The following IGSF10 variants were observed in gnomAD, a reference collection of about 807,000 sequenced individuals.
IGSF10 encodes the protein calvaria mechanical force protein 608.
IGSF10 carries 126 observed loss-of-function variants against 128.2 expected under a neutral mutation model. That is an observed-to-expected ratio of 0.98 (90% CI 0.85 to 1.14). The LOEUF is 1.14. IGSF10 is among the 50% of genes most tolerant of loss of function. IGSF10 has a pLI of 0.00. For missense variants in IGSF10, 3,295 were observed against 3,149.8 expected (o/e 1.05, Z -1.10); for synonymous variants, 1,185 against 1,146.2 (o/e 1.03, Z -0.68).
the IGSF10 span, among the ~76,000 whole-genome samples, chr3:151,528,752 G>T: frequency 6.6e-6 from 1 of 151,394 alleles, no homozygotes; most frequent in Non-Finnish European, 1.5e-5. Flanking sequence ...ATGGGTTTAA[G>T]CAAAAAACTA....
chr3:151,489,003 G>T, the IGSF10 span, among the ~76,000 whole-genome samples: 1,996 of 152,076 alleles, frequency 0.013, 47 homozygotes, highest in African/African-American at 0.046. Flanking sequence ...GAACTTCTGC[G>T]CAGCAAAAGA....
upstream of IGSF10, among the ~76,000 whole-genome samples, chr3:151,465,833 G>A (rs1181215007): frequency 1.3e-5 from 2 of 152,034 alleles, no homozygotes; most frequent in Non-Finnish European, 1.5e-5. Flanking sequence ...TAATTTAATC[G>A]GTAGACAAGA....
At chr3:151,463,465 C>G (rs535367492), upstream of IGSF10, among the ~76,000 whole-genome samples, 3 of 130,534 alleles carry the variant, frequency 2.3e-5, no homozygotes, top group African/African-American at 8.5e-5. Context: ...AGCCAAAATA[C>G]AATACTGAAT....
At chr3:151,558,163 C>G in the IGSF10 span, among the ~76,000 whole-genome samples, 5 of 149,424 alleles carry the variant, frequency 3.3e-5, no homozygotes, top group African/African-American at 1.2e-4. Flanking sequence ...GAGTGTAACA[C>G]TGAAGCCAAA....
chr3:151,490,344 A>G, the IGSF10 span, among the ~76,000 whole-genome samples: 6 of 152,176 alleles, frequency 3.9e-5, no homozygotes, highest in East Asian at 1.9e-4. Context: ...TTGTAAATGT[A>G]TTTGCACCCA....
At chr3:151,515,674 C>A in the IGSF10 span, among the ~76,000 whole-genome samples, 2 of 149,222 alleles carry the variant, frequency 1.3e-5, no homozygotes, top group South Asian at 2.1e-4. Context: ...ATAAAATGAC[C>A]AAAAAATATA....
chr3:151,440,706 A>C (rs1720801600), intron 7 of IGSF10: 1 of 380,908 alleles, frequency 2.6e-6, no homozygotes. Flanking sequence ...AGTTTAAAAT[A>C]ATAATGATGT....
chr3:151,461,111 G>T (rs547233585), upstream of IGSF10: 1 of 985,390 alleles, frequency 1.0e-6, no homozygotes, highest in South Asian at 4.7e-5. Flanking sequence ...GTCTGGGGAC[G>T]CGGCCGGGGC....
chr3:151,453,384 C>T lies in IGSF10; in HGVS notation c.715G>A (p.Asp239Asn), dbSNP rs769575348. 6.3e-6 allele frequency: 10 copies of T among 1,574,956 alleles called. No individual in the cohort carries two copies. The South Asian group carries it at 9.6e-5, about 15-fold the overall frequency. ...ACAAAAAAATAAACAATATAGATAC[C>T]TGGCTTCTCCTGTATCCAGTCAGAC... Reference protein sequence around the residue: ...WLSDWIQEKPDVIKCKKDRSP... With the variant: ...WLSDWIQEKPNVIKCKKDRSP... The change falls in exon 5 of 8, where the codon GAT becomes AAT. Residue 239 changes from aspartate to asparagine, a missense_variant and splice_region_variant. Coordinates refer to ENST00000282466, the MANE Select transcript of IGSF10 (RefSeq NM_178822.5).
At chr3:151,534,596 G>A in the IGSF10 span, among the ~76,000 whole-genome samples, 8 of 147,342 alleles carry the variant, frequency 5.4e-5, no homozygotes, top group South Asian at 1.8e-3. Context: ...GTAAGTGGGA[G>A]TTGAACAATG....
At chr3:151,594,623 T>C in the IGSF10 span, among the ~76,000 whole-genome samples, 8 of 122,808 alleles carry the variant, frequency 6.5e-5, no homozygotes, top group South Asian at 2.7e-4. Flanking sequence ...CGCCCGGCCC[T>C]TTTTTTTTTT....
At chr3:151,506,015 G>GCA in the IGSF10 span, among the ~76,000 whole-genome samples, 1 of 150,242 alleles carries the variant, frequency 6.7e-6, no homozygotes, top group African/African-American at 2.5e-5. Context: ...CAGTGGTGTT[G>GCA]ATCTCAGCTC....
the IGSF10 span, among the ~76,000 whole-genome samples, chr3:151,497,939 A>G: frequency 6.6e-6 from 1 of 152,180 alleles, no homozygotes; most frequent in African/African-American, 2.4e-5. Context: ...CTTTGAAGCA[A>G]TTGTGAATGA....
At chr3:151,557,689 T>A in the IGSF10 span, among the ~76,000 whole-genome samples, 10 of 151,818 alleles carry the variant, frequency 6.6e-5, no homozygotes, top group Non-Finnish European at 1.3e-4. Flanking sequence ...ACTTCCAATC[T>A]CTCTGGAAAG....
chr3:151,510,600 C>G, the IGSF10 span, among the ~76,000 whole-genome samples: 1 of 152,102 alleles, frequency 6.6e-6, no homozygotes. Flanking sequence ...AGCAATGGAA[C>G]AAAGCTGGAC....
the IGSF10 span, among the ~76,000 whole-genome samples, chr3:151,612,464 A>G: frequency 6.6e-6 from 1 of 152,156 alleles, no homozygotes; most frequent in African/African-American, 2.4e-5. Flanking sequence ...TTAATAGCAA[A>G]AGGTCAGAAT....
At position 151,443,701 on chromosome 3, in the gene IGSF10, T is replaced by C; in HGVS notation, c.5246A>G (p.Glu1749Gly). 6.2e-7 allele frequency: 1 copy of C among 1,614,148 alleles called. No individual in the cohort carries two copies. The highest frequency in any genetic ancestry group is 8.5e-7 in the Non-Finnish European group (1 of 1,180,018). Reference protein sequence around the residue: ...SVVSYPPRILERRTKEITVHS... With the variant: ...SVVSYPPRILGRRTKEITVHS... ...AACTGTGATCTCTTTGGTACGTCTC[T>C]CCAGGATCCTGGGAGGATAGGAAAC... Residue 1749 changes from glutamate (E) to glycine (G), a missense_variant, in exon 7 of 8, where the codon GAG (glutamate) becomes GGG (glycine). Transcript: ENST00000282466.
the IGSF10 span, among the ~76,000 whole-genome samples, chr3:151,484,803 T>C: frequency 6.6e-6 from 1 of 150,892 alleles, no homozygotes; most frequent in African/African-American, 2.4e-5. Flanking sequence ...CAAAGGTCTC[T>C]GACTTCAAAG....
the IGSF10 span, among the ~76,000 whole-genome samples, chr3:151,576,909 CCAGCCCTTGGGGCTGCTCTACCTATGG>C: frequency 0.015 from 2,324 of 152,276 alleles, 62 homozygotes; most frequent in African/African-American, 0.052. Flanking sequence ...TAGCCAGCTA[CCAGCCCTTGGGGCTGCTCTACCTATGG>C]AGAAGCCCCT....
Sources: allele counts gnomAD v4.1 joint callset (sites outside exome capture counted in the v4.1 genomes callset), GRCh38; gene constraint gnomAD v4.1.1; transcripts MANE v1.5; gene names NCBI Gene and HGNC (gene_info 2026-07-23, HGNC 2026-07-21).